Variants in SMG7 observed in about 807,000 individuals in gnomAD.
SMG7 encodes the protein SMG7 nonsense mediated mRNA decay factor.
Under a neutral mutation model 148.2 loss-of-function variants are expected in SMG7, and 34 were observed. The observed-to-expected ratio is 0.23, with a 90% confidence interval of 0.17 to 0.31. The LOEUF (loss-of-function observed/expected upper bound fraction) is 0.31, where lower values mean the gene tolerates loss of function less well. Among genes scored for constraint, SMG7 ranks in the 10% least tolerant of loss-of-function variants. SMG7 has a pLI of 1.00. For synonymous variants in SMG7, 492 were observed against 515.1 expected, an observed-to-expected ratio of 0.96 and a Z score of 0.61; for missense variants, 1,114 against 1,408.4, an observed-to-expected ratio of 0.79 and a Z score of 3.35.
Position 183,549,757 on chromosome 1 carries a change from C to G in SMG7, c.2974-7C>G. On this transcript the variant is annotated splice_polypyrimidine_tract_variant and splice_region_variant and intron_variant, in intron 19 of 22. Transcript: ENST00000688051. ...TGAGTTTATAACTTCACTGTCATGTCTTTCAGGAAAGATACCCAAATAATA... is the reference window on the plus strand; with the variant it reads ...TGAGTTTATAACTTCACTGTCATGTGTTTCAGGAAAGATACCCAAATAATA... 6.2e-7 allele frequency: 1 copy of G among 1,612,172 alleles called. No individual in the cohort carries two copies. The highest frequency in any genetic ancestry group is 8.5e-7 in the Non-Finnish European group (1 of 1,178,396).
Position 183,550,853 on chromosome 1 carries a change from T to C in SMG7, c.3236T>C (p.Phe1079Ser). 1.9e-6 allele frequency: 3 copies of C among 1,614,144 alleles called. No homozygotes were observed. The highest frequency in any genetic ancestry group is 2.5e-6 in the Non-Finnish European group (3 of 1,180,002). Residue 1079 changes from phenylalanine (F) to serine (S), a missense_variant, in exon 21 of 23, where the codon TTT (phenylalanine) becomes TCT (serine). Phe to Ser is a radical substitution (Grantham distance 155). Around this residue, in one of 4 missense-constraint regions of SMG7, gnomAD observed 788 missense variants for 894.5 expected, o/e 0.88. Transcript: ENST00000688051. ...HNHNSVPFSN[F>S]GPIGTPDNRD... ...CATAATTCTGTTCCATTCTCCAATT[T>C]TGGACCCATTGGGACTCCAGATAAC...
Position 183,546,271 on chromosome 1 carries a change from C to T in SMG7, c.2676C>T (p.Arg892=), listed in dbSNP as rs755097559. The change falls in exon 17 of 23, where the codon CGC becomes CGT. Residue 892 remains arginine, a synonymous_variant. Transcript: ENST00000688051. ...SVMAQQANID[R]RGKRSPGVFR... ...TGGCACAGCAAGCAAACATAGACCGCAGGGGCAAACGGTCACCAGGAGTCT... is the reference window on the plus strand; with the variant it reads ...TGGCACAGCAAGCAAACATAGACCGTAGGGGCAAACGGTCACCAGGAGTCT... The T allele has an allele frequency of 6.2e-7, 1 of 1,613,964 alleles. No homozygotes were observed. Among genetic ancestry groups the T allele is most frequent in the African/African-American group, 1.3e-5 (1 of 75,018 alleles).
At chr1:183,510,497 C>T (rs1261749170) in intron 1 of SMG7, among the ~76,000 whole-genome samples, 2 of 151,832 alleles carry the variant, frequency 1.3e-5, no homozygotes, top group African/African-American at 2.4e-5. Context: ...TTACATTTTA[C>T]GACTAAGTGT....
chr1:183,549,173 A>T (rs751781277), intron 18 of SMG7, 35 bp from the exon 19 acceptor site: 15 of 1,468,484 alleles, frequency 1.0e-5, no homozygotes, highest in Non-Finnish European at 1.4e-5. Flanking sequence ...AATAGAAGGT[A>T]TAACTTAATT....
rs1043432903 is a variant in SMG7, at chr1:183,553,611, C to T, written c.*1680C>T. ...CTCTTCAGAGAGAGTGGTTGGAGCC[C>T]CCCCCGCCCCGTATGCTTACATTAT... is the stretch of plus-strand genomic sequence containing the variant. On this transcript the variant is annotated 3_prime_UTR_variant, in exon 23 of 23. Coordinates refer to ENST00000688051, the MANE Select transcript of SMG7 (RefSeq NM_001375584.1). 1 of 151,748 alleles carries T rather than the reference C, an allele frequency of 6.6e-6. No homozygotes were observed. Among genetic ancestry groups the T allele is most frequent in the African/African-American group, 2.5e-5 (1 of 40,816 alleles). 9.4% of individuals were successfully genotyped at this position (151,748 alleles called of 1,614,324 possible).
chr1:183,514,276 G>C (rs1490834296), intron 2 of SMG7, among the ~76,000 whole-genome samples: 1 of 151,436 alleles, frequency 6.6e-6, no homozygotes. Flanking sequence ...AGAGGAAAAG[G>C]ACTATTAAAA....
In SMG7 at chr1:183,549,263, C is replaced by G. The variant is rs369707451; in HGVS notation, c.2948C>G (p.Ser983Cys). The G allele has an allele frequency of 6.2e-7, 1 of 1,613,430 alleles. No homozygotes were observed. The highest frequency in any genetic ancestry group is 1.7e-5 in the Admixed American group (1 of 60,020). ...ELMSHSSSFL[S>C]LTGFSLNQER... ...ATGTCACATTCATCCTCTTTCCTGTCCCTCACCGGATTCTCTCTCAATCAG... is the reference window on the plus strand; with the variant it reads ...ATGTCACATTCATCCTCTTTCCTGTGCCTCACCGGATTCTCTCTCAATCAG... The change falls in exon 19 of 23, where the codon TCC becomes TGC. Residue 983 changes from serine (S) to cysteine (C), a missense_variant. By Grantham distance (112) the Ser-to-Cys change is moderately radical. Coordinates refer to ENST00000688051, the MANE Select transcript of SMG7 (RefSeq NM_001375584.1).
intron 14 of SMG7, among the ~76,000 whole-genome samples, chr1:183,544,033 T>C (rs1669450203): frequency 1.3e-5 from 2 of 152,192 alleles, no homozygotes; most frequent in South Asian, 4.1e-4. Context: ...CTTAAAGTCA[T>C]AGACAAGTTT....
chr1:183,516,316 C>T (rs544642665), intron 3 of SMG7, among the ~76,000 whole-genome samples: 1 of 151,156 alleles, frequency 6.6e-6, no homozygotes, highest in Non-Finnish European at 1.5e-5. Flanking sequence ...AATTAAGCCG[C>T]GATTTAAAAA....
chr1:183,473,837 T>G, intron 1 of SMG7: 1 of 985,266 alleles, frequency 1.0e-6, no homozygotes, highest in Non-Finnish European at 1.2e-6. Context: ...AAAAGTCACT[T>G]TAGCTGTTTA....
At chr1:183,492,680 C>T (rs1398873994) in intron 1 of SMG7, among the ~76,000 whole-genome samples, 1 of 152,160 alleles carries the variant, frequency 6.6e-6, no homozygotes, top group Non-Finnish European at 1.5e-5. Flanking sequence ...TTGTCTTTCA[C>T]TTATTTTCTG....
At position 183,552,915 on chromosome 1, in the gene SMG7, C is replaced by T. The variant is rs941084163; in HGVS notation, c.*984C>T. 25 of 1,504,474 alleles carry T rather than the reference C, an allele frequency of 1.7e-5. No homozygotes were observed. The highest frequency in any genetic ancestry group is 2.1e-5 in the Non-Finnish European group (24 of 1,127,432). 93.2% of individuals were successfully genotyped at this position (1,504,474 alleles called of 1,614,324 possible). On this transcript the variant is annotated 3_prime_UTR_variant, in exon 23 of 23. Transcript: ENST00000688051. Reference sequence around the variant, plus strand: ...GCCCCATCTCCATCCCTTCTTTTACCCAATGCTGTATGCTAGTAATTGTTT... The same window carrying T: ...GCCCCATCTCCATCCCTTCTTTTACTCAATGCTGTATGCTAGTAATTGTTT...
intron 1 of SMG7, chr1:183,502,417 C>G (rs1659940353): frequency 6.6e-7 from 1 of 1,511,748 alleles, no homozygotes; most frequent in Non-Finnish European, 8.9e-7. Flanking sequence ...CAAGGGATTT[C>G]TACATGTTTT....
chr1:183,543,464 A>G (rs971768214), intron 14 of SMG7, among the ~76,000 whole-genome samples: 1 of 152,102 alleles, frequency 6.6e-6, no homozygotes, highest in South Asian at 2.1e-4. Flanking sequence ...TAGGGGAGAG[A>G]GAGAGATGCT....
At position 183,550,905 on chromosome 1, in the gene SMG7, G is replaced by A; in HGVS notation, c.3288G>A (p.Trp1096Ter). The change falls in exon 21 of 23, where the codon TGG becomes TGA. Residue 1096 changes from tryptophan to a stop codon, truncating the protein, a stop_gained. Transcript: ENST00000688051. LOFTEE classifies it high-confidence loss of function. Reference protein sequence around the residue: ...DNRDRRTADRWKTDKPAMGGF... With the variant: ...DNRDRRTADR ...GGGATAGAAGGACTGCAGATCGGTG[G>A]AAAACTGATAAGCCAGGTGAGATCT... 6.2e-7 allele frequency: 1 copy of A among 1,612,912 alleles called. No homozygotes were observed. Among genetic ancestry groups the A allele is most frequent in the Non-Finnish European group, 8.5e-7 (1 of 1,179,596 alleles).
chr1:183,498,075 A>G (rs918014780), intron 1 of SMG7, among the ~76,000 whole-genome samples: 2 of 152,236 alleles, frequency 1.3e-5, no homozygotes, highest in African/African-American at 4.8e-5. Context: ...TTGTACCACA[A>G]TAATTTATAG....
intron 1 of SMG7, among the ~76,000 whole-genome samples, chr1:183,495,685 A>G (rs1658309445): frequency 6.6e-6 from 1 of 152,138 alleles, no homozygotes; most frequent in South Asian, 2.1e-4. Flanking sequence ...CCTGGACAAC[A>G]TGGGGAAACC....
intron 1 of SMG7, among the ~76,000 whole-genome samples, chr1:183,505,380 T>C (rs1557985598): frequency 6.6e-6 from 1 of 152,222 alleles, no homozygotes; most frequent in Non-Finnish European, 1.5e-5. Context: ...TTCTCTTATT[T>C]TCTATACTCC....
chr1:183,472,513 G>A lies in SMG7; in HGVS notation c.-108G>A, dbSNP rs1650890314. On this transcript the variant is annotated 5_prime_UTR_variant, in exon 1 of 23. Transcript: ENST00000688051. ...TGCCGAGCGAGGAGGAGCCGGAGGA[G>A]AGGAAGATGGCGGCGGCCGCCAGCA... 1 of 1,075,424 alleles carries A rather than the reference G, an allele frequency of 9.3e-7. No individual in the cohort carries two copies. The highest frequency in any genetic ancestry group is 1.7e-5 in the African/African-American group (1 of 60,498). 66.6% of individuals were successfully genotyped at this position (1,075,424 alleles called of 1,614,324 possible).
Sources: gnomAD v4.1 joint callset for allele counts (sites outside exome capture counted in the v4.1 genomes callset) on GRCh38, gnomAD v4.1.1 for gene constraint, gnomAD v4.1.1 regional missense constraint, MANE v1.5 for transcripts, NCBI Gene and HGNC (gene_info 2026-07-23, HGNC 2026-07-21) for gene names.